Variants in POLR3B observed in about 807,000 individuals in gnomAD.
The protein encoded by POLR3B is RNA polymerase III subunit B.
A neutral mutation model predicts 147.4 loss-of-function variants in POLR3B; 96 were observed. The ratio of observed to expected loss-of-function variants is 0.65; its 90% CI spans 0.55 to 0.77. The LOEUF (loss-of-function observed/expected upper bound fraction) is 0.77, where lower values mean the gene tolerates loss of function less well. POLR3B is among the 30% of genes least tolerant of loss of function. POLR3B has a pLI of 0.00. For synonymous variants in POLR3B, 461 were observed against 485.9 expected, an observed-to-expected ratio of 0.95 and a Z score of 0.67; for missense variants, 1,036 against 1,413.5, an observed-to-expected ratio of 0.73 and a Z score of 4.28.
At chr12:106,479,380 C>G (rs1054027056) in intron 23 of POLR3B, among the ~76,000 whole-genome samples, 4 of 150,650 alleles carry the variant, frequency 2.7e-5, no homozygotes, top group Non-Finnish European at 5.9e-5. Context: ...TATTCTTTCT[C>G]TCTCTCTTTT....
At chr12:106,481,598 T>A (rs1296031835) in intron 23 of POLR3B, among the ~76,000 whole-genome samples, 1 of 152,210 alleles carries the variant, frequency 6.6e-6, no homozygotes, top group Non-Finnish European at 1.5e-5. Context: ...TTTTCTTTCC[T>A]CTCTTTATCA....
intron 16 of POLR3B, among the ~76,000 whole-genome samples, chr12:106,436,407 C>T (rs2037577264): frequency 6.6e-6 from 1 of 152,210 alleles, no homozygotes; most frequent in African/African-American, 2.4e-5. Context: ...CCACCTTCCA[C>T]CCATTACGTC....
intron 18 of POLR3B, among the ~76,000 whole-genome samples, chr12:106,438,497 A>G (rs1489818730): frequency 6.6e-6 from 1 of 151,404 alleles, no homozygotes; most frequent in Non-Finnish European, 1.5e-5. Context: ...AAAACCATAT[A>G]TATGTTTTTT....
chr12:106,399,793 C>G (rs907460633), intron 10 of POLR3B, among the ~76,000 whole-genome samples: 1 of 152,130 alleles, frequency 6.6e-6, no homozygotes, highest in Admixed American at 6.5e-5. Context: ...ACTTTGTCAC[C>G]ACCAGGCCTG....
chr12:106,442,340 G>A (rs1443852104), intron 18 of POLR3B, among the ~76,000 whole-genome samples: 1 of 152,098 alleles, frequency 6.6e-6, no homozygotes, highest in African/African-American at 2.4e-5. Flanking sequence ...GATGGAAAAT[G>A]TCAACTTGGC....
At chr12:106,404,019 T>A (rs2037112709) in intron 10 of POLR3B, among the ~76,000 whole-genome samples, 1 of 151,970 alleles carries the variant, frequency 6.6e-6, no homozygotes, top group Non-Finnish European at 1.5e-5. Flanking sequence ...TGTATATAAT[T>A]TTTATATATA....
intron 12 of POLR3B, among the ~76,000 whole-genome samples, chr12:106,412,589 CT>C (rs1369824116): frequency 1.3e-5 from 2 of 152,184 alleles, no homozygotes; most frequent in African/African-American, 4.8e-5. Flanking sequence ...TCCTGATACT[CT>C]TTCAATGAAT....
chr12:106,399,221 C>G (rs546208360), intron 10 of POLR3B, among the ~76,000 whole-genome samples: 13 of 152,150 alleles, frequency 8.5e-5, no homozygotes, highest in African/African-American at 3.1e-4. Flanking sequence ...GGAAGAAAGG[C>G]TATCAGTGAT....
At chr12:106,361,576 A>T (rs938042192) in intron 1 of POLR3B, among the ~76,000 whole-genome samples, 1 of 152,142 alleles carries the variant, frequency 6.6e-6, no homozygotes, top group Non-Finnish European at 1.5e-5. Context: ...GGAGTCTTTT[A>T]TGTGCCAGGC....
At chr12:106,423,020 T>A (rs2037391872) in intron 12 of POLR3B, among the ~76,000 whole-genome samples, 1 of 152,202 alleles carries the variant, frequency 6.6e-6, no homozygotes, top group Non-Finnish European at 1.5e-5. Flanking sequence ...GTCTTGCACC[T>A]CTTTCAGATT....
rs534847966 is a variant in POLR3B at position 106,454,308 on chromosome 12, C to G, written c.2084-194C>G. ...TTTATATTTTTCCTTCTTTGTAGAA[C>G]TTTAAATATTAGTGAGAAAAGTTGC... On this transcript the variant is annotated intron_variant, in intron 19 of 27. Transcript: ENST00000228347. Among the ~76,000 whole-genome samples the G allele has an allele frequency of 2.6e-5, 4 of 152,204 alleles. No homozygotes were observed. In the East Asian group the frequency reaches 7.7e-4, roughly 29 times the overall value.
At chr12:106,479,118 G>A (rs1419685784) in intron 23 of POLR3B, among the ~76,000 whole-genome samples, 1 of 151,982 alleles carries the variant, frequency 6.6e-6, no homozygotes, top group Non-Finnish European at 1.5e-5. Context: ...GCATCCTGGA[G>A]GTTTAAGTTC....
At chr12:106,498,674 C>T (rs1034246472) in intron 25 of POLR3B, among the ~76,000 whole-genome samples, 7 of 151,624 alleles carry the variant, frequency 4.6e-5, no homozygotes, top group Admixed American at 1.3e-4. Context: ...CTCTGCTTCC[C>T]GGGGGGGTTC....
Position 106,378,283 on chromosome 12 carries a change from T to C in POLR3B, c.513T>C (p.Val171=). ...TTTGGGTAGGTGGCTACTTCATTGT[T>C]AAAGGAGTAGAAAAAGTTATTCTTA... The part of the protein sequence containing the change: ...CPLDPGGYFI[V]KGVEKVILIQ... The change falls in exon 8 of 28, where the codon GTT becomes GTC. Residue 171 remains valine, a synonymous_variant. Coordinates refer to ENST00000228347, the MANE Select transcript of POLR3B (RefSeq NM_018082.6). 1 of 1,608,582 alleles carries C rather than the reference T, an allele frequency of 6.2e-7. No individual in the cohort carries two copies. The highest frequency in any genetic ancestry group is 1.1e-5 in the South Asian group (1 of 90,972).
rs1189700785 is a variant in POLR3B at position 106,472,454 on chromosome 12, G to A, written c.2713+8834G>A. On this transcript the variant is annotated intron_variant, in intron 23 of 27. Coordinates refer to ENST00000228347, the MANE Select transcript of POLR3B (RefSeq NM_018082.6). The stretch of plus-strand genomic sequence containing the variant: ...AATCGCCACACTGACTTCCACAATG[G>A]TTGAACTAGTTTACAGTCCCACCAA... 8.8e-5 allele frequency among the ~76,000 whole-genome samples: 13 copies of A among 147,516 alleles called. No homozygotes were observed. In the South Asian group the frequency reaches 2.4e-3, roughly 27 times the overall value.
intron 27 of POLR3B, 74 bp from the exon 28 acceptor site, chr12:106,509,346 C>T: frequency 2.0e-6 from 3 of 1,472,312 alleles, no homozygotes; most frequent in Non-Finnish European, 2.8e-6. Flanking sequence ...TTATAGAGAC[C>T]ATTCTCACTT....
chr12:106,365,458 G>C (rs911103532), intron 2 of POLR3B, among the ~76,000 whole-genome samples: 16 of 152,144 alleles, frequency 1.1e-4, no homozygotes, highest in Non-Finnish European at 2.4e-4. Context: ...GAGTTTGAGT[G>C]ATTCTCCTGC....
At chr12:106,369,167 G>C in intron 4 of POLR3B, 108 bp from the exon 5 acceptor site, 2 of 769,340 alleles carry the variant, frequency 2.6e-6, no homozygotes, top group Non-Finnish European at 4.8e-6. Flanking sequence ...TCCTTACCAA[G>C]ATAAGCATTT....
intron 23 of POLR3B, among the ~76,000 whole-genome samples, chr12:106,480,826 GA>G (rs2038256577): frequency 6.6e-6 from 1 of 151,162 alleles, no homozygotes; most frequent in South Asian, 2.1e-4. Flanking sequence ...TTGTGGGCAA[GA>G]AGGAAAATAG....
Sources: allele counts gnomAD v4.1 joint callset (sites outside exome capture counted in the v4.1 genomes callset), GRCh38; gene constraint gnomAD v4.1.1; transcripts MANE v1.5; gene names NCBI Gene and HGNC (gene_info 2026-07-23, HGNC 2026-07-21).